LRP1B: variants seen among roughly 807,000 people sequenced by gnomAD.
LRP1B encodes low-density lipoprotein receptor-related protein 1B.
Under a neutral mutation model 556.6 loss-of-function variants are expected in LRP1B, and 217 were observed. The ratio of observed to expected loss-of-function variants is 0.39; its 90% CI spans 0.35 to 0.44. LRP1B has a LOEUF of 0.44. Among genes scored for constraint, LRP1B ranks in the 20% least tolerant of loss-of-function variants. The pLI, the probability that LRP1B is intolerant of heterozygous loss-of-function variation, is 1.00. For synonymous variants in LRP1B, 2,047 were observed against 1,865.8 expected, an observed-to-expected ratio of 1.10 and a Z score of -2.50; for missense variants, 5,053 against 5,620.8, an observed-to-expected ratio of 0.90 and a Z score of 3.23.
At chr2:140,848,026 T>C (rs557484178) in intron 29 of LRP1B, among the ~76,000 whole-genome samples, 3 of 152,258 alleles carry the variant, frequency 2.0e-5, no homozygotes, top group East Asian at 1.9e-4. Flanking sequence ...TTTTTTAAGA[T>C]ATAACATCTT....
intron 77 of LRP1B, among the ~76,000 whole-genome samples, chr2:140,350,221 T>C (rs1681894304): frequency 6.6e-6 from 1 of 151,576 alleles, no homozygotes; most frequent in Non-Finnish European, 1.5e-5. Flanking sequence ...AATTGAAACA[T>C]GTTCCAGTTT....
In LRP1B at chr2:141,421,003, A is replaced by T. The variant is rs117196526; in HGVS notation, c.343+59393T>A. The stretch of plus-strand genomic sequence containing the variant: ...GAAGGGCCAACATGGGTAAAATTAA[A>T]CCACTCTTCTTATGCCTTTCAACGT... On this transcript the variant is annotated intron_variant, in intron 3 of 90. Transcript: ENST00000389484. 4.1e-4 allele frequency among the ~76,000 whole-genome samples: 62 copies of T among 152,192 alleles called. 1 individual carries two copies. In the East Asian group the frequency reaches 0.011, roughly 28 times the overall value.
intron 18 of LRP1B, among the ~76,000 whole-genome samples, chr2:140,962,158 G>A (rs1363022162): frequency 1.3e-5 from 2 of 152,140 alleles, no homozygotes; most frequent in African/African-American, 2.4e-5. Context: ...TACTGTATAA[G>A]AATTTACATA....
At chr2:140,748,442 T>TA (rs1553521835) in intron 35 of LRP1B, among the ~76,000 whole-genome samples, 36,126 of 109,824 alleles carry the variant, frequency 0.33, 6,744 homozygotes, top group South Asian at 0.48. Flanking sequence ...TATATATATA[T>TA]TATATATATA....
chr2:140,897,095 C>T (rs112658198), intron 23 of LRP1B, among the ~76,000 whole-genome samples: 4,808 of 152,180 alleles, frequency 0.032, 112 homozygotes, highest in Middle Eastern at 0.058. Flanking sequence ...ATTAAATTAT[C>T]CACTTAAAAA....
At chr2:141,062,953 C>G (rs538337213) in intron 7 of LRP1B, among the ~76,000 whole-genome samples, 1 of 151,718 alleles carries the variant, frequency 6.6e-6, no homozygotes, top group African/African-American at 2.4e-5. Flanking sequence ...TAATGTTGAC[C>G]TCTGAGACAA....
intron 6 of LRP1B, among the ~76,000 whole-genome samples, chr2:141,217,525 C>T (rs1682862910): frequency 6.6e-6 from 1 of 151,996 alleles, no homozygotes; most frequent in Admixed American, 6.6e-5. Context: ...CTGAGAAAAC[C>T]AGCTAACCAT....
At chr2:141,128,798 AT>A (rs1019592740) in intron 7 of LRP1B, among the ~76,000 whole-genome samples, 5 of 152,064 alleles carry the variant, frequency 3.3e-5, no homozygotes, top group Non-Finnish European at 7.4e-5. Flanking sequence ...TATAATGAAG[AT>A]TGTTTAACAA....
chr2:140,472,204 G>A (rs1573976815), intron 60 of LRP1B, among the ~76,000 whole-genome samples: 1 of 152,158 alleles, frequency 6.6e-6, no homozygotes, highest in East Asian at 1.9e-4. Flanking sequence ...CAGAAAGACA[G>A]GTCAGTAAAT....
At chr2:140,887,089 T>A (rs1053596347) in intron 23 of LRP1B, among the ~76,000 whole-genome samples, 1 of 152,188 alleles carries the variant, frequency 6.6e-6, no homozygotes, top group Non-Finnish European at 1.5e-5. Flanking sequence ...TGATGTATAT[T>A]GTTGTGATCA....
intron 53 of LRP1B, 55 bp from the exon 54 acceptor site, chr2:140,503,158 C>T (rs1272923060): frequency 1.4e-5 from 21 of 1,505,342 alleles, no homozygotes; most frequent in African/African-American, 8.2e-5. Context: ...CTAATTGAAA[C>T]GTCATCTCCT....
Position 140,700,584 on chromosome 2 carries a change from C to T in LRP1B, c.6465G>A (p.Lys2155=). ...NVCARDNGGC[K]QLCLYRGNSR... The stretch of plus-strand genomic sequence containing the variant: ...AATTTCCTCGATAAAGACAGAGTTG[C>T]TTACAGCCACCATTGTCCCTGGCAC... The change falls in exon 41 of 91, where the codon AAG becomes AAA. Residue 2155 remains lysine (K), a synonymous_variant. Coordinates refer to ENST00000389484, the MANE Select transcript of LRP1B (RefSeq NM_018557.3). The T allele has an allele frequency of 1.2e-6, 2 of 1,613,504 alleles. No homozygotes were observed. The highest frequency in any genetic ancestry group is 1.7e-6 in the Non-Finnish European group (2 of 1,179,622).
At chr2:141,434,989 G>A (rs1432619484) in intron 3 of LRP1B, among the ~76,000 whole-genome samples, 2 of 151,534 alleles carry the variant, frequency 1.3e-5, no homozygotes, top group African/African-American at 4.9e-5. Flanking sequence ...ATACGTAGTA[G>A]CTTAAAGCTG....
At chr2:141,822,092 T>TACACACACACACACACACAC (rs149899299) in intron 1 of LRP1B, among the ~76,000 whole-genome samples, 1 of 112,370 alleles carries the variant, frequency 8.9e-6, no homozygotes, top group African/African-American at 3.6e-5. Flanking sequence ...AAAAAATACA[T>TACACACACACACACACACAC]ACACACACAC....
chr2:140,237,236 A>G (rs1242715531), intron 89 of LRP1B, among the ~76,000 whole-genome samples: 5 of 150,878 alleles, frequency 3.3e-5, no homozygotes, highest in Non-Finnish European at 7.4e-5. Context: ...ACTTCTATAG[A>G]TTCACATGTG....
At chr2:140,854,060 T>TAAAAAAAAAAAA (rs33945219) in intron 27 of LRP1B, among the ~76,000 whole-genome samples, 1 of 108,828 alleles carries the variant, frequency 9.2e-6, no homozygotes, top group African/African-American at 3.3e-5. Context: ...CATATCTGAA[T>TAAAAAAAAAAAA]AAAAAAAAAA....
At position 141,579,724 on chromosome 2, in the gene LRP1B, C is replaced by CTTTTTTTTT. The variant is rs33913417; in HGVS notation, c.206-99200_206-99192dup. On this transcript the variant is annotated intron_variant, in intron 2 of 90. Coordinates refer to ENST00000389484, the MANE Select transcript of LRP1B (RefSeq NM_018557.3). ...CATAAGGAAAACATATCAGGTTTCACTTTTTTTTTTTTTTTTTTGAGACGG... is the reference window on the plus strand; with the variant it reads ...CATAAGGAAAACATATCAGGTTTCACTTTTTTTTTTTTTTTTTTTTTTTTTTTGAGACGG... 4.3e-3 allele frequency among the ~76,000 whole-genome samples: 438 copies of CTTTTTTTTT among 100,922 alleles called. 58 individuals carry two copies. The highest frequency in any genetic ancestry group is 0.017 in the African/African-American group (391 of 22,440). 66.2% of individuals were successfully genotyped at this position (100,922 alleles called of 152,430 possible).
intron 2 of LRP1B, among the ~76,000 whole-genome samples, chr2:141,546,040 C>A (rs1685537986): frequency 6.6e-6 from 1 of 152,148 alleles, no homozygotes; most frequent in African/African-American, 2.4e-5. Flanking sequence ...CCGCATGGAT[C>A]TTGGTGATGC....
intron 1 of LRP1B, among the ~76,000 whole-genome samples, chr2:141,904,856 C>T (rs528975581): frequency 1.3e-5 from 2 of 152,002 alleles, no homozygotes; most frequent in Admixed American, 1.3e-4. Flanking sequence ...GAAATGTACG[C>T]TGTTTTAATT....
Sources: gnomAD v4.1 joint callset for allele counts (sites outside exome capture counted in the v4.1 genomes callset) on GRCh38, gnomAD v4.1.1 for gene constraint, MANE v1.5 for transcripts, NCBI Gene and HGNC (gene_info 2026-07-23, HGNC 2026-07-21) for gene names.